Variants in TACC1 observed in about 807,000 individuals in gnomAD.
TACC1 encodes the protein transforming acidic coiled-coil containing protein 1, also known as transforming acidic coiled-coil-containing protein 1.
A neutral mutation model predicts 84.4 loss-of-function variants in TACC1; 48 were observed. The ratio of observed to expected loss-of-function variants is 0.57; its 90% CI spans 0.45 to 0.72. The LOEUF is 0.72. Among genes scored for constraint, TACC1 ranks in the 30% least tolerant of loss-of-function variants. TACC1 has a pLI of 0.00. For missense variants in TACC1, 920 were observed against 973.0 expected, an observed-to-expected ratio of 0.95 and a Z score of 0.72; for synonymous variants, 372 against 376.3, an observed-to-expected ratio of 0.99 and a Z score of 0.13.
chr8:38,848,912 T>C lies in TACC1; in HGVS notation c.*889T>C, dbSNP rs941702868. The stretch of plus-strand genomic sequence containing the variant: ...AAGTCTGCCCTAGAGTCATTTACTC[T>C]CCTCTGCCTCCATTTGTTAATACAG... On this transcript the variant is annotated 3_prime_UTR_variant, in exon 13 of 13. Transcript: ENST00000317827. The C allele has an allele frequency of 1.3e-5, 2 of 151,984 alleles. No individual in the cohort carries two copies. Among genetic ancestry groups the C allele is most frequent in the Non-Finnish European group, 2.9e-5 (2 of 68,016 alleles). 9.4% of individuals were successfully genotyped at this position (151,984 alleles called of 1,614,324 possible).
chr8:38,757,126 C>A, intron 3 of TACC1: 1 of 530,124 alleles, frequency 1.9e-6, no homozygotes, highest in Non-Finnish European at 2.7e-6. Flanking sequence ...ACCCGCGGGG[C>A]CCTGCAATCC....
At chr8:38,837,105 C>A (rs1014881517) in intron 7 of TACC1, among the ~76,000 whole-genome samples, 3 of 120,916 alleles carry the variant, frequency 2.5e-5, no homozygotes, top group Non-Finnish European at 5.2e-5. Context: ...CCACCAAAAT[C>A]TTTTTTTTTT....
intron 2 of TACC1, among the ~76,000 whole-genome samples, chr8:38,808,589 AT>A (rs1406128784): frequency 6.8e-4 from 103 of 152,092 alleles, no homozygotes; most frequent in Non-Finnish European, 5.0e-4. Flanking sequence ...ATTTACTTTT[AT>A]TTTTTGTAGA....
intron 3 of TACC1, chr8:38,824,121 T>G (rs906220310): frequency 6.6e-5 from 67 of 1,008,866 alleles, no homozygotes; most frequent in Non-Finnish European, 8.8e-5. Flanking sequence ...TTGCTTCTAA[T>G]TCTGAGTTTG....
intron 2 of TACC1, 34 bp downstream of exon 2, chr8:38,788,853 T>C (rs371402799): frequency 1.3e-6 from 2 of 1,532,702 alleles, no homozygotes; most frequent in African/African-American, 1.4e-5. Context: ...CTGCCTGTTT[T>C]GTTTCAAAAG....
chr8:38,825,440 C>T (rs571108450), intron 4 of TACC1, 72 bp downstream of exon 4: 17 of 1,557,164 alleles, frequency 1.1e-5, no homozygotes, highest in African/African-American at 5.4e-5. Flanking sequence ...ATCCCCCTGG[C>T]GGGTGGTTCA....
At chr8:38,782,177 C>G (rs1288357564) in intron 3 of TACC1, among the ~76,000 whole-genome samples, 1 of 152,050 alleles carries the variant, frequency 6.6e-6, no homozygotes, top group African/African-American at 2.4e-5. Flanking sequence ...CCCATCCCCC[C>G]ACCCCACAAC....
chr8:38,773,585 T>G (rs1814131403), intron 3 of TACC1, among the ~76,000 whole-genome samples: 2 of 147,872 alleles, frequency 1.4e-5, no homozygotes, highest in African/African-American at 2.7e-5. Flanking sequence ...TAGCTATCTA[T>G]CTAGCTATCT....
rs1833061806 is a variant in TACC1, at chr8:38,851,355, A to C, written c.*3332A>C. ...TATTAGATAGCCCTGAATTCACTCT[A>C]ATTATAAACAGGGAGTGTAAACTGC... is the stretch of plus-strand genomic sequence containing the variant. On this transcript the variant is annotated 3_prime_UTR_variant, in exon 13 of 13. Transcript: ENST00000317827. The C allele has an allele frequency of 6.6e-6, 1 of 152,634 alleles. No homozygotes were observed. The highest frequency in any genetic ancestry group is 1.5e-5 in the Non-Finnish European group (1 of 68,366). The allele number at this position is 152,634 out of a possible 1,614,324, so 9.5% of individuals were successfully genotyped here.
At chr8:38,806,159 C>T (rs928261079) in intron 2 of TACC1, among the ~76,000 whole-genome samples, 1 of 152,174 alleles carries the variant, frequency 6.6e-6, no homozygotes, top group Middle Eastern at 3.4e-3. Flanking sequence ...CGTGTGGGTT[C>T]CCTGTCTGAC....
At chr8:38,737,950 C>T (rs183624612) in intron 1 of TACC1, among the ~76,000 whole-genome samples, 20 of 152,098 alleles carry the variant, frequency 1.3e-4, no homozygotes, top group African/African-American at 4.1e-4. Context: ...TCGTCTCAAA[C>T]TTCTGACCTC....
intron 3 of TACC1, among the ~76,000 whole-genome samples, chr8:38,781,630 C>G (rs1816012501): frequency 6.6e-6 from 1 of 152,120 alleles, no homozygotes; most frequent in African/African-American, 2.4e-5. Context: ...ATCCACCTGC[C>G]TCGGCCTCCC....
In TACC1 at chr8:38,819,927, G is replaced by C. The variant is rs1338499188; in HGVS notation, c.683G>C (p.Ser228Thr). 5.0e-6 allele frequency: 8 copies of C among 1,614,072 alleles called. No individual in the cohort carries two copies. The highest frequency in any genetic ancestry group is 6.8e-6 in the Non-Finnish European group (8 of 1,180,046). The change falls in exon 3 of 13, where the codon AGC (serine) becomes ACC (threonine). Residue 228 changes from serine (S) to threonine (T), a missense_variant. Ser to Thr is a moderately conservative substitution (Grantham distance 58). Coordinates refer to ENST00000317827, the MANE Select transcript of TACC1 (RefSeq NM_006283.3). ...CCAGAGCTTGTGCCCAGCAGAAGAA[G>C]CAAGCTGAGAAAGCCCAAGCCTGTC... is the stretch of plus-strand genomic sequence containing the variant. ...SCPELVPSRR[S>T]KLRKPKPVPL...
chr8:38,733,397 A>G (rs1805353987), intron 1 of TACC1, among the ~76,000 whole-genome samples: 1 of 151,916 alleles, frequency 6.6e-6, no homozygotes, highest in Admixed American at 6.6e-5. Flanking sequence ...ACACTGGTGC[A>G]GCTCTCTTGG....
In TACC1 at chr8:38,819,944, A is replaced by C; in HGVS notation, c.700A>C (p.Lys234Gln). Residue 234 changes from lysine to glutamine, a missense_variant, in exon 3 of 13, where the codon AAG (lysine) becomes CAG (glutamine). Lys to Gln is a moderately conservative substitution (Grantham distance 53). Coordinates refer to ENST00000317827, the MANE Select transcript of TACC1 (RefSeq NM_006283.3). ...CAGAAGAAGCAAGCTGAGAAAGCCC[A>C]AGCCTGTCCCCCTGAGGAAGAAAGC... ...PSRRSKLRKP[K>Q]PVPLRKKAIG... 6.2e-7 allele frequency: 1 copy of C among 1,614,178 alleles called. No homozygotes were observed. Among genetic ancestry groups the C allele is most frequent in the Non-Finnish European group, 8.5e-7 (1 of 1,180,040 alleles).
At chr8:38,812,999 A>T (rs1824575582) in intron 2 of TACC1, among the ~76,000 whole-genome samples, 1 of 152,174 alleles carries the variant, frequency 6.6e-6, no homozygotes, top group South Asian at 2.1e-4. Context: ...CTTTGCACTC[A>T]TTGCATGATT....
chr8:38,737,516 G>A (rs1806197003), intron 1 of TACC1, among the ~76,000 whole-genome samples: 1 of 152,076 alleles, frequency 6.6e-6, no homozygotes, highest in Admixed American at 6.6e-5. Context: ...GCTTAGTGAG[G>A]TAACTGGCTT....
At chr8:38,788,862 A>C in intron 2 of TACC1, 43 bp downstream of exon 2, 1 of 1,486,120 alleles carries the variant, frequency 6.7e-7, no homozygotes, top group South Asian at 1.2e-5. Context: ...TTGTTTCAAA[A>C]GTTTTGAAAA....
At chr8:38,762,617 C>T (rs1416433960) in intron 3 of TACC1, among the ~76,000 whole-genome samples, 2 of 151,118 alleles carry the variant, frequency 1.3e-5, no homozygotes, top group Non-Finnish European at 1.5e-5. Context: ...AGTACAGTGG[C>T]GTGATCTTGG....
Sources: gnomAD v4.1 joint callset for allele counts (sites outside exome capture counted in the v4.1 genomes callset) on GRCh38, gnomAD v4.1.1 for gene constraint, MANE v1.5 for transcripts, NCBI Gene and HGNC (gene_info 2026-07-23, HGNC 2026-07-21) for gene names.